The following CADPS2 variants were observed in gnomAD, a reference collection of about 807,000 sequenced individuals.
CADPS2 encodes the protein calcium-dependent secretion activator 2.
Under a neutral mutation model 172.5 loss-of-function variants are expected in CADPS2, and 93 were observed. The ratio of observed to expected loss-of-function variants is 0.54; its 90% CI spans 0.46 to 0.64. The LOEUF is 0.64. Among genes scored for constraint, CADPS2 ranks in the 30% least tolerant of loss-of-function variants. CADPS2 has a pLI of 0.00. For missense variants in CADPS2, 1,420 were observed against 1,565.9 expected, an observed-to-expected ratio of 0.91 and a Z score of 1.57; for synonymous variants, 546 against 555.2, an observed-to-expected ratio of 0.98 and a Z score of 0.23.
At chr7:122,582,778 A>G (rs1296926737) in intron 6 of CADPS2, among the ~76,000 whole-genome samples, 1 of 152,008 alleles carries the variant, frequency 6.6e-6, no homozygotes, top group East Asian at 1.9e-4. Context: ...CTTGGGAGGC[A>G]TTCTCTTATA....
At chr7:122,816,989 GC>G (rs930298954) in intron 1 of CADPS2, among the ~76,000 whole-genome samples, 4 of 146,958 alleles carry the variant, frequency 2.7e-5, no homozygotes, top group African/African-American at 1.0e-4. Flanking sequence ...CCCCACTCCT[GC>G]CCGCCAGAGA....
At chr7:122,812,666 G>C (rs932160165) in intron 1 of CADPS2, among the ~76,000 whole-genome samples, 18 of 151,974 alleles carry the variant, frequency 1.2e-4, no homozygotes, top group South Asian at 2.1e-4. Flanking sequence ...GGGGAGAGGA[G>C]AGTTTGCTTT....
At chr7:122,475,852 C>T (rs1046626980) in intron 12 of CADPS2, among the ~76,000 whole-genome samples, 32 of 151,950 alleles carry the variant, frequency 2.1e-4, no homozygotes, top group African/African-American at 6.5e-4. Context: ...GGTTATAATC[C>T]GTGGAGAAAG....
chr7:122,875,941 C>T (rs922480172), intron 1 of CADPS2, among the ~76,000 whole-genome samples: 1 of 152,090 alleles, frequency 6.6e-6, no homozygotes, highest in Admixed American at 6.6e-5. Context: ...CAAAAGACAA[C>T]CCTAAGGGAA....
chr7:122,398,172 C>T (rs908522534), intron 20 of CADPS2, among the ~76,000 whole-genome samples: 2 of 152,210 alleles, frequency 1.3e-5, no homozygotes, highest in African/African-American at 4.8e-5. Flanking sequence ...CTTTCATTTA[C>T]AAAAGTACTT....
intron 25 of CADPS2, among the ~76,000 whole-genome samples, chr7:122,376,366 A>G (rs1012321354): frequency 6.6e-6 from 1 of 152,154 alleles, no homozygotes; most frequent in African/African-American, 2.4e-5. Flanking sequence ...AAAATGAGTT[A>G]TGTGCATATA....
intron 2 of CADPS2, among the ~76,000 whole-genome samples, chr7:122,719,247 G>A (rs1421996838): frequency 1.3e-5 from 2 of 152,016 alleles, no homozygotes; most frequent in Non-Finnish European, 2.9e-5. Flanking sequence ...GGAAGAAAGT[G>A]AGGGGAAGAA....
chr7:122,776,686 T>C (rs2093893580), intron 1 of CADPS2, among the ~76,000 whole-genome samples: 1 of 152,178 alleles, frequency 6.6e-6, no homozygotes, highest in Non-Finnish European at 1.5e-5. Context: ...GTTTAGAATT[T>C]CCTAAAGACT....
chr7:122,712,149 T>G (rs769948532), intron 2 of CADPS2, among the ~76,000 whole-genome samples: 7 of 152,170 alleles, frequency 4.6e-5, no homozygotes, highest in Non-Finnish European at 1.0e-4. Flanking sequence ...TTGAAAACAA[T>G]GTTACTTTTT....
At chr7:122,350,308 T>TG in intron 27 of CADPS2, among the ~76,000 whole-genome samples, 2 of 152,326 alleles carry the variant, frequency 1.3e-5, no homozygotes, top group East Asian at 3.9e-4. Context: ...AATTTATAAT[T>TG]GATCATAGAA....
At position 122,732,830 on chromosome 7, in the gene CADPS2, A is replaced by AATAT. The variant is rs1554374448; in HGVS notation, c.453+4121_453+4124dup. Among the ~76,000 whole-genome samples, 1,177 of 138,572 alleles carry AATAT rather than the reference A, an allele frequency of 8.5e-3. 10 individuals carry two copies. The highest frequency in any genetic ancestry group is 0.029 in the African/African-American group (1,108 of 37,594). 90.9% of individuals were successfully genotyped at this position (138,572 alleles called of 152,430 possible). On this transcript the variant is annotated intron_variant, in intron 2 of 29. Transcript: ENST00000449022. ...TATATACATAATGTATATTATATAT[A>AATAT]ATATACATTATATATGCTATGTATA... is the stretch of plus-strand genomic sequence containing the variant.
In CADPS2 at chr7:122,726,480, T is replaced by A. The variant is rs62483576; in HGVS notation, c.453+10475A>T. Among the ~76,000 whole-genome samples the A allele has an allele frequency of 8.6e-3, 1,309 of 152,054 alleles. 11 individuals are homozygous for A. The highest frequency in any genetic ancestry group is 0.014 in the Non-Finnish European group (938 of 67,936). On this transcript the variant is annotated intron_variant, in intron 2 of 29. Transcript: ENST00000449022. ...GTGAAGCCAGCCCCCACTGTGACTG[T>A]GCTAACACAGGTACACGTGTTTTCT...
At chr7:122,530,621 C>T (rs1399891739) in intron 8 of CADPS2, among the ~76,000 whole-genome samples, 2 of 152,094 alleles carry the variant, frequency 1.3e-5, no homozygotes, top group African/African-American at 4.8e-5. Flanking sequence ...CTACAGACAA[C>T]AGTAAGTTAT....
intron 1 of CADPS2, among the ~76,000 whole-genome samples, chr7:122,816,268 C>T (rs1388378973): frequency 1.4e-5 from 2 of 140,794 alleles, no homozygotes; most frequent in African/African-American, 5.3e-5. Flanking sequence ...ATTTTTTTAG[C>T]TCCCAAATAT....
In CADPS2 at chr7:122,621,453, GAGGTGAGCATGAGATAA is replaced by G. The variant is rs777126481; in HGVS notation, c.1104+11_1104+27del. 1 of 1,393,166 alleles carries G rather than the reference GAGGTGAGCATGAGATAA, an allele frequency of 7.2e-7. No individual in the cohort carries two copies. The highest frequency in any genetic ancestry group is 1.0e-6 in the Non-Finnish European group (1 of 985,644). The allele number at this position is 1,393,166 out of a possible 1,614,324, so 86.3% of individuals were successfully genotyped here. On this transcript the variant is annotated intron_variant, in intron 5 of 29. Coordinates refer to ENST00000449022, the MANE Select transcript of CADPS2 (RefSeq NM_017954.11). Reference sequence around the variant, plus strand: ...TTGTGCATCATCATTTATGCTGTCAGAGGTGAGCATGAGATAAAGCTACTTACCTCTAAGGTGAATGA... The same window carrying G: ...TTGTGCATCATCATTTATGCTGTCAGAGCTACTTACCTCTAAGGTGAATGA...
At chr7:122,512,431 T>G (rs193289074) in intron 9 of CADPS2, among the ~76,000 whole-genome samples, 114 of 152,266 alleles carry the variant, frequency 7.5e-4, no homozygotes, top group Non-Finnish European at 1.4e-3. Flanking sequence ...TATCATGGAC[T>G]GGAATGACTA....
At chr7:122,555,630 T>C (rs1443652094) in intron 7 of CADPS2, among the ~76,000 whole-genome samples, 1 of 152,114 alleles carries the variant, frequency 6.6e-6, no homozygotes, top group Non-Finnish European at 1.5e-5. Flanking sequence ...ATTAAAACTA[T>C]ATTGAAACAT....
Position 122,710,053 on chromosome 7 carries a change from A to T in CADPS2, c.453+26902T>A, listed in dbSNP as rs1057124701. Among the ~76,000 whole-genome samples, 7 of 143,802 alleles carry T rather than the reference A, an allele frequency of 4.9e-5. No individual in the cohort carries two copies. In the South Asian group the frequency reaches 9.2e-4, roughly 19 times the overall value. The allele number at this position is 143,802 out of a possible 152,430, so 94.3% of individuals were successfully genotyped here. On this transcript the variant is annotated intron_variant, in intron 2 of 29. Coordinates refer to ENST00000449022, the MANE Select transcript of CADPS2 (RefSeq NM_017954.11). Reference sequence around the variant, plus strand: ...ACCCTAAAACTTAAAGTATAATAAAAAAAAAAAAAAAATGACCTTCTGCCA... The same window carrying T: ...ACCCTAAAACTTAAAGTATAATAAATAAAAAAAAAAAATGACCTTCTGCCA...
chr7:122,747,598 T>C (rs572872913), intron 1 of CADPS2, among the ~76,000 whole-genome samples: 1 of 152,116 alleles, frequency 6.6e-6, no homozygotes, highest in Non-Finnish European at 1.5e-5. Context: ...CAGCTCCCTA[T>C]AAGGTGGGTT....
Sources: allele counts gnomAD v4.1 joint callset (sites outside exome capture counted in the v4.1 genomes callset), GRCh38; gene constraint gnomAD v4.1.1; transcripts MANE v1.5; gene names NCBI Gene and HGNC (gene_info 2026-07-23, HGNC 2026-07-21).